MEIS2: variants seen among roughly 807,000 people sequenced by gnomAD.
MEIS2 encodes the protein Meis homeobox 2.
In MEIS2, 9 loss-of-function variants were observed where a neutral mutation model predicts 58.6. That is an observed-to-expected ratio of 0.15 (90% confidence interval 0.09 to 0.27). The LOEUF (loss-of-function observed/expected upper bound fraction) is 0.27. Among genes scored for constraint, MEIS2 ranks in the 10% least tolerant of loss-of-function variants. MEIS2 has a pLI of 1.00. For synonymous variants in MEIS2, 221 were observed against 228.4 expected (o/e 0.97, Z 0.29); for missense variants, 427 against 635.0 (o/e 0.67, Z 3.52).
At chr15:36,967,483 T>C (rs939160524) in intron 8 of MEIS2, among the ~76,000 whole-genome samples, 2 of 152,190 alleles carry the variant, frequency 1.3e-5, no homozygotes, top group African/African-American at 2.4e-5. Flanking sequence ...CTGATCTTCA[T>C]GTCTCTAAAT....
chr15:36,939,521 G>T (rs977205203), intron 9 of MEIS2, among the ~76,000 whole-genome samples: 1 of 149,512 alleles, frequency 6.7e-6, no homozygotes, highest in African/African-American at 2.5e-5. Context: ...AGAGTTTCTA[G>T]GAAGGTCTAG....
In MEIS2 at chr15:37,024,882, C is replaced by G. The variant is rs2061648458; in HGVS notation, c.900+11932G>C. Reference sequence around the variant, plus strand: ...ACAAAGAACAAAGATGCCCAAAGCCCCAACCAGCTTGCTCCAAAGCTGTAA... The same window carrying G: ...ACAAAGAACAAAGATGCCCAAAGCCGCAACCAGCTTGCTCCAAAGCTGTAA... On this transcript the variant is annotated intron_variant, in intron 8 of 11. Coordinates refer to ENST00000561208, the MANE Select transcript of MEIS2 (RefSeq NM_170675.5). Among the ~76,000 whole-genome samples the G allele has an allele frequency of 2.0e-5, 3 of 152,184 alleles. No individual in the cohort carries two copies. In the South Asian group the frequency reaches 6.2e-4, roughly 32 times the overall value.
intron 6 of MEIS2, among the ~76,000 whole-genome samples, chr15:37,086,926 G>T (rs1401300227): frequency 6.6e-6 from 1 of 152,130 alleles, no homozygotes; most frequent in African/African-American, 2.4e-5. Context: ...TGTTTTCCCT[G>T]AGATTAAAAT....
At chr15:36,962,962 G>A (rs1312423902) in intron 8 of MEIS2, among the ~76,000 whole-genome samples, 1 of 152,212 alleles carries the variant, frequency 6.6e-6, no homozygotes, top group African/African-American at 2.4e-5. Flanking sequence ...TTTACTGACA[G>A]GAGGTAAGAG....
At chr15:36,913,231 T>C (rs2057126300) in intron 9 of MEIS2, among the ~76,000 whole-genome samples, 1 of 152,234 alleles carries the variant, frequency 6.6e-6, no homozygotes, top group Non-Finnish European at 1.5e-5. Context: ...CAATAAATGT[T>C]AGCTATGTGA....
intron 9 of MEIS2, among the ~76,000 whole-genome samples, chr15:36,914,341 A>G (rs1013002758): frequency 2.6e-5 from 4 of 152,282 alleles, no homozygotes; most frequent in African/African-American, 9.6e-5. Context: ...GGCATACTGC[A>G]AATATGTCCC....
chr15:36,948,244 G>GC (rs1228930982), intron 9 of MEIS2, among the ~76,000 whole-genome samples: 5 of 151,964 alleles, frequency 3.3e-5, no homozygotes, highest in African/African-American at 1.2e-4. Flanking sequence ...GCATTCTGTG[G>GC]CAAATATGGC....
chr15:37,091,290 A>G (rs1893482360), intron 6 of MEIS2, among the ~76,000 whole-genome samples: 4 of 152,176 alleles, frequency 2.6e-5, no homozygotes, highest in Admixed American at 1.3e-4. Context: ...AAACTCTCCA[A>G]GGTTTTCTCT....
At chr15:37,009,061 G>C (rs577922477) in intron 8 of MEIS2, among the ~76,000 whole-genome samples, 1 of 151,988 alleles carries the variant, frequency 6.6e-6, no homozygotes. Context: ...AGGCCGAGGC[G>C]GGCAGATCAC....
intron 7 of MEIS2, among the ~76,000 whole-genome samples, chr15:37,044,306 C>T (rs936514502): frequency 1.3e-5 from 2 of 152,114 alleles, no homozygotes; most frequent in African/African-American, 4.8e-5. Context: ...AAGAGAGGCC[C>T]TGTATGTTCA....
In MEIS2 at chr15:36,952,607, C is replaced by CTCTCTCTG. The variant is rs1490440825; in HGVS notation, c.901-2208_901-2207insCAGAGAGA. On this transcript the variant is annotated intron_variant, in intron 8 of 11. Coordinates refer to ENST00000561208, the MANE Select transcript of MEIS2 (RefSeq NM_170675.5). ...AGAGTCTGTCTGTCTGTCTCTCTCTCTGTGTGTGTGTGTGTGTGTGTGTGT... is the reference window on the plus strand; with the variant it reads ...AGAGTCTGTCTGTCTGTCTCTCTCTCTCTCTCTGTGTGTGTGTGTGTGTGTGTGTGTGT... Among the ~76,000 whole-genome samples the CTCTCTCTG allele has an allele frequency of 6.6e-3, 925 of 140,080 alleles. 10 individuals are homozygous for CTCTCTCTG. Among genetic ancestry groups the CTCTCTCTG allele is most frequent in the African/African-American group, 0.022 (834 of 37,376 alleles). The allele number at this position is 140,080 out of a possible 152,430, so 91.9% of individuals were successfully genotyped here.
intron 9 of MEIS2, among the ~76,000 whole-genome samples, chr15:36,931,250 A>C (rs556570155): frequency 1.3e-4 from 20 of 152,326 alleles, no homozygotes; most frequent in Admixed American, 1.1e-3. Context: ...ATCATGGGGG[A>C]AGACAAACAA....
intron 9 of MEIS2, among the ~76,000 whole-genome samples, chr15:36,911,270 CGTGTGTGT>C (rs57919785): frequency 6.7e-6 from 1 of 149,886 alleles, no homozygotes; most frequent in Admixed American, 6.7e-5. Flanking sequence ...TTAAGAATAA[CGTGTGTGT>C]GTGTGTGTGT....
At chr15:37,037,632 T>C (rs554463983) in intron 7 of MEIS2, among the ~76,000 whole-genome samples, 2 of 152,380 alleles carry the variant, frequency 1.3e-5, no homozygotes, top group South Asian at 4.1e-4. Context: ...CTGGCATTAA[T>C]TGTGCATTAG....
intron 8 of MEIS2, among the ~76,000 whole-genome samples, chr15:36,955,106 A>C (rs961735737): frequency 1.3e-5 from 2 of 152,236 alleles, no homozygotes; most frequent in African/African-American, 4.8e-5. Context: ...TGCCAAACTT[A>C]TTCAATGGTC....
intron 8 of MEIS2, among the ~76,000 whole-genome samples, chr15:37,008,157 G>A (rs559496538): frequency 6.6e-6 from 1 of 152,198 alleles, no homozygotes; most frequent in East Asian, 1.9e-4. Context: ...ATTATTTTTA[G>A]TTTAATCACC....
At chr15:37,007,165 T>C (rs2060952107) in intron 8 of MEIS2, among the ~76,000 whole-genome samples, 1 of 152,212 alleles carries the variant, frequency 6.6e-6, no homozygotes, top group African/African-American at 2.4e-5. Flanking sequence ...TCCGATTTCC[T>C]TGCCAGTGTG....
At chr15:36,920,120 T>TCA (rs201040121) in intron 9 of MEIS2, among the ~76,000 whole-genome samples, 2 of 67,064 alleles carry the variant, frequency 3.0e-5, no homozygotes, top group Admixed American at 3.2e-4. Context: ...TATACTGCTT[T>TCA]TATTTATTTA....
chr15:37,093,462 C>T lies in MEIS2; in HGVS notation c.639+119G>A. ...AAGCAAGAAAGAGAAGAAAAGACCC[C>T]AAAAGAGACGGAGTCATTTAAAAAG... On this transcript the variant is annotated intron_variant, in intron 6 of 11. Coordinates refer to ENST00000561208, the MANE Select transcript of MEIS2 (RefSeq NM_170675.5). 2.4e-6 allele frequency: 3 copies of T among 1,258,260 alleles called. No individual in the cohort carries two copies. The Admixed American group carries it at 8.1e-5, about 34-fold the overall frequency. The allele number at this position is 1,258,260 out of a possible 1,614,324, so 77.9% of individuals were successfully genotyped here. A position where few individuals can be genotyped will look rare whatever the true frequency, so the allele number is the denominator to read the frequency against.
Sources: gnomAD v4.1 joint callset for allele counts (sites outside exome capture counted in the v4.1 genomes callset) on GRCh38, gnomAD v4.1.1 for gene constraint, MANE v1.5 for transcripts, NCBI Gene and HGNC (gene_info 2026-07-23, HGNC 2026-07-21) for gene names.